The following NHLRC2 variants were observed in gnomAD, a reference collection of about 807,000 sequenced individuals.
NHLRC2 encodes the protein NHL repeat containing 2.
Under a neutral mutation model 68.1 loss-of-function variants are expected in NHLRC2, and 33 were observed. That is an observed-to-expected ratio of 0.48 (90% confidence interval 0.37 to 0.65). The LOEUF is 0.65. Ranked by LOEUF, NHLRC2 falls within the 30% of genes least tolerant of loss-of-function variation. The pLI is 0.00. For synonymous variants in NHLRC2, 311 were observed against 309.6 expected, an observed-to-expected ratio of 1.00 and a Z score of -0.05; for missense variants, 761 against 853.8, an observed-to-expected ratio of 0.89 and a Z score of 1.35.
chr10:113,898,846 A>G (rs1846203463), intron 6 of NHLRC2, among the ~76,000 whole-genome samples: 2 of 152,182 alleles, frequency 1.3e-5, no homozygotes, highest in African/African-American at 4.8e-5. Flanking sequence ...CCTTATTTAT[A>G]TTACCTCATA....
At chr10:113,858,046 CTTTTT>C (rs529701767) in intron 1 of NHLRC2, among the ~76,000 whole-genome samples, 1 of 131,642 alleles carries the variant, frequency 7.6e-6, no homozygotes, top group African/African-American at 2.8e-5. Flanking sequence ...ATATTTCTTC[CTTTTT>C]TTTTTTTTTT....
chr10:113,902,499 G>T lies in NHLRC2; in HGVS notation c.1400G>T (p.Gly467Val). 1 of 1,595,076 alleles carries T rather than the reference G, an allele frequency of 6.3e-7. No homozygotes were observed. Among genetic ancestry groups the T allele is most frequent in the Non-Finnish European group, 8.5e-7 (1 of 1,170,624 alleles). Residue 467 changes from glycine (G) to valine (V), a missense_variant, in exon 8 of 11, where the codon GGA (glycine) becomes GTA (valine). Coordinates refer to ENST00000369301, the MANE Select transcript of NHLRC2 (RefSeq NM_198514.4). ...MNLFAFGDVD[G>V]VGINAKLQHP... ...TTATTTGCTTTTGGTGATGTTGATG[G>T]AGTAGGAATCAATGCAAAGCTTCAA...
intron 10 of NHLRC2, among the ~76,000 whole-genome samples, chr10:113,906,684 G>T (rs1252818383): frequency 6.6e-6 from 1 of 152,032 alleles, no homozygotes; most frequent in African/African-American, 2.4e-5. Flanking sequence ...TATTTTCTTT[G>T]TTTGATTTAA....
At chr10:113,879,547 T>G in intron 3 of NHLRC2, 27 bp from the exon 4 acceptor site, 1 of 1,583,216 alleles carries the variant, frequency 6.3e-7, no homozygotes, top group Admixed American at 1.8e-5. Context: ...GATCACTTCT[T>G]AAGTGGCAAA....
At chr10:113,867,458 A>G (rs879800625) in intron 2 of NHLRC2, among the ~76,000 whole-genome samples, 1 of 152,190 alleles carries the variant, frequency 6.6e-6, no homozygotes, top group Non-Finnish European at 1.5e-5. Flanking sequence ...TTATTTCCCA[A>G]TTTAGTGTTC....
intron 5 of NHLRC2, among the ~76,000 whole-genome samples, chr10:113,891,400 G>A (rs2134724694): frequency 6.6e-6 from 1 of 152,226 alleles, no homozygotes; most frequent in East Asian, 1.9e-4. Context: ...TTTTATGTGT[G>A]TCTTCTCATT....
chr10:113,886,903 G>A (rs1162597340), intron 5 of NHLRC2, among the ~76,000 whole-genome samples: 1 of 152,132 alleles, frequency 6.6e-6, no homozygotes, highest in East Asian at 1.9e-4. Context: ...GCTCTATACA[G>A]CAAAGAAAAC....
chr10:113,876,581 A>G lies in NHLRC2; in HGVS notation c.392A>G (p.Asn131Ser). 6.2e-7 allele frequency: 1 copy of G among 1,613,056 alleles called. No individual in the cohort carries two copies. The highest frequency in any genetic ancestry group is 8.5e-7 in the Non-Finnish European group (1 of 1,179,476). Residue 131 changes from asparagine to serine, a missense_variant, in exon 3 of 11, where the codon AAC becomes AGC. Asn to Ser is a conservative substitution (Grantham distance 46). Coordinates refer to ENST00000369301, the MANE Select transcript of NHLRC2 (RefSeq NM_198514.4). ...TTTCCAAATGAAAAAGTCCTGGATA[A>G]CATTAAGAGTGCTGTTCTTCGATAC... is the stretch of plus-strand genomic sequence containing the variant. Reference protein sequence around the residue: ...AKFPNEKVLDNIKSAVLRYNI... With the variant: ...AKFPNEKVLDSIKSAVLRYNI...
At chr10:113,859,005 A>G (rs1443145073) in intron 2 of NHLRC2, among the ~76,000 whole-genome samples, 1 of 152,152 alleles carries the variant, frequency 6.6e-6, no homozygotes, top group African/African-American at 2.4e-5. Flanking sequence ...TATTAAAAAA[A>G]TAAAATATCT....
rs1846328549 is a variant in NHLRC2 at position 113,911,494 on chromosome 10, T to C, written c.*2958T>C. ...AACAGCCAGAAAAAAAAATTTACTA[T>C]GTGTATATTTATATAGGTGTGTGTA... is the stretch of plus-strand genomic sequence containing the variant. On this transcript the variant is annotated 3_prime_UTR_variant, in exon 11 of 11. Coordinates refer to ENST00000369301, the MANE Select transcript of NHLRC2 (RefSeq NM_198514.4). 6.6e-6 allele frequency: 1 copy of C among 152,144 alleles called. No individual in the cohort carries two copies. Among genetic ancestry groups the C allele is most frequent in the Admixed American group, 6.5e-5 (1 of 15,274 alleles). 9.4% of individuals were successfully genotyped at this position (152,144 alleles called of 1,614,324 possible). A position where few individuals can be genotyped will look rare whatever the true frequency, so the allele number is the denominator to read the frequency against.
Position 113,908,551 on chromosome 10 carries a change from A to C in NHLRC2, c.*15A>C. 2 of 1,613,396 alleles carry C rather than the reference A, an allele frequency of 1.2e-6. No homozygotes were observed. Among genetic ancestry groups the C allele is most frequent in the Non-Finnish European group, 1.7e-6 (2 of 1,179,580 alleles). ...ATGTATTTTAGCCAGCCAGCTAGCTAGCAACCCATTGCCACCACCTACTGT... is the reference window on the plus strand; with the variant it reads ...ATGTATTTTAGCCAGCCAGCTAGCTCGCAACCCATTGCCACCACCTACTGT... On this transcript the variant is annotated 3_prime_UTR_variant, in exon 11 of 11. Transcript: ENST00000369301.
At chr10:113,900,362 A>G (rs1846217036) in intron 6 of NHLRC2, among the ~76,000 whole-genome samples, 1 of 152,218 alleles carries the variant, frequency 6.6e-6, no homozygotes, top group African/African-American at 2.4e-5. Context: ...AATTATAAAC[A>G]GCAGAGAAGT....
chr10:113,887,586 G>A (rs1414566746), intron 5 of NHLRC2, among the ~76,000 whole-genome samples: 4 of 151,590 alleles, frequency 2.6e-5, no homozygotes, highest in African/African-American at 9.7e-5. Flanking sequence ...CCTCGCCAAC[G>A]TGGTGAAGCC....
chr10:113,884,057 G>A (rs1012400037), intron 4 of NHLRC2, among the ~76,000 whole-genome samples, 194 bp from the exon 5 acceptor site: 2 of 151,750 alleles, frequency 1.3e-5, no homozygotes, highest in African/African-American at 2.4e-5. Flanking sequence ...TGGACAGGTG[G>A]GATATGAAAG....
intron 10 of NHLRC2, among the ~76,000 whole-genome samples, chr10:113,906,452 T>G (rs1042406905): frequency 1.3e-5 from 2 of 152,098 alleles, no homozygotes; most frequent in Non-Finnish European, 2.9e-5. Flanking sequence ...ATTTTCTCTT[T>G]TGGCTTGTTA....
At position 113,858,573 on chromosome 10, in the gene NHLRC2, A is replaced by G. The variant is rs1488953322; in HGVS notation, c.224A>G (p.Asp75Gly). 6.2e-7 allele frequency: 1 copy of G among 1,609,650 alleles called. No homozygotes were observed. The highest frequency in any genetic ancestry group is 2.2e-5 in the East Asian group (1 of 44,848). Residue 75 changes from aspartate to glycine, a missense_variant, in exon 2 of 11, where the codon GAT becomes GGT. Coordinates refer to ENST00000369301, the MANE Select transcript of NHLRC2 (RefSeq NM_198514.4). ...NTEEPISVYK[D>G]LCGKIVVLDF... ...GAAGAACCTATTTCTGTCTACAAGGATCTATGTGGAAAAATAGTCGTCCTT... is the reference window on the plus strand; with the variant it reads ...GAAGAACCTATTTCTGTCTACAAGGGTCTATGTGGAAAAATAGTCGTCCTT...
intron 3 of NHLRC2, among the ~76,000 whole-genome samples, chr10:113,879,258 A>G (rs1364843639): frequency 6.6e-6 from 1 of 152,156 alleles, no homozygotes; most frequent in Non-Finnish European, 1.5e-5. Context: ...CAAAATTGTT[A>G]AAAATTATTC....
At chr10:113,867,033 T>C (rs1000611459) in intron 2 of NHLRC2, among the ~76,000 whole-genome samples, 1 of 152,206 alleles carries the variant, frequency 6.6e-6, no homozygotes, top group Non-Finnish European at 1.5e-5. Context: ...AAGGCTTTTA[T>C]TGGGGGCTGG....
intron 3 of NHLRC2, 49 bp from the exon 4 acceptor site, chr10:113,879,525 G>T (rs762013339): frequency 6.6e-7 from 1 of 1,510,254 alleles, no homozygotes; most frequent in Non-Finnish European, 9.0e-7. Context: ...GTTTTGTTTT[G>T]TTTTACCTTG....
Sources: gnomAD v4.1 joint callset for allele counts (sites outside exome capture counted in the v4.1 genomes callset) on GRCh38, gnomAD v4.1.1 for gene constraint, MANE v1.5 for transcripts, NCBI Gene and HGNC (gene_info 2026-07-23, HGNC 2026-07-21) for gene names.